Variants in UBA6 observed in about 807,000 individuals in gnomAD.
UBA6 encodes the protein ubiquitin-like modifier-activating enzyme 6.
UBA6 carries 87 observed loss-of-function variants against 148.3 expected under a neutral mutation model. The ratio of observed to expected loss-of-function variants is 0.59; its 90% CI spans 0.49 to 0.70. The LOEUF (loss-of-function observed/expected upper bound fraction) is 0.70, where lower values mean the gene tolerates loss of function less well. Ranked by LOEUF, UBA6 falls within the 30% of genes least tolerant of loss-of-function variation. The pLI is 0.00. For synonymous variants in UBA6, 376 were observed against 401.0 expected (o/e 0.94, Z 0.75); for missense variants, 1,186 against 1,241.2 (o/e 0.96, Z 0.67).
intron 11 of UBA6, chr4:67,663,528 C>T (rs1337430119): frequency 2.9e-6 from 1 of 350,336 alleles, no homozygotes; most frequent in African/African-American, 2.1e-5. Context: ...AATACATACT[C>T]AAGGCTTTTT....
chr4:67,638,994 T>A lies in UBA6; in HGVS notation c.1685A>T (p.Asp562Val). ...ATTATCTAATGCTGTAATAATTACA[T>A]CTTGTTTAGTATAGAACTCATCATT... Reference protein sequence around the residue: ...IYNDEFYTKQDVIITALDNVE... With the variant: ...IYNDEFYTKQVVIITALDNVE... Residue 562 changes from aspartate to valine, a missense_variant, in exon 19 of 33, where the codon GAT (aspartate) becomes GTT (valine). Transcript: ENST00000322244. The A allele has an allele frequency of 6.2e-7, 1 of 1,612,518 alleles. No homozygotes were observed. The highest frequency in any genetic ancestry group is 8.5e-7 in the Non-Finnish European group (1 of 1,178,982).
Position 67,678,504 on chromosome 4 carries a change from G to C in UBA6, c.288C>G (p.Cys96Trp), listed in dbSNP as rs764037986. Residue 96 changes from cysteine (C) to tryptophan (W), a missense_variant, in exon 5 of 33, where the codon TGC becomes TGG. Physicochemically the swap from Cys to Trp is radical, Grantham distance 215. Coordinates refer to ENST00000322244, the MANE Select transcript of UBA6 (RefSeq NM_018227.6). ...KAVTIHDTEK[C>W]QAWDLGTNFF... is the part of the protein sequence containing the mutation. ...AGTTGGTTCCTAGATCCCATGCTTG[G>C]CATTTTTCTGTATCATGAATTGTAA... The C allele has an allele frequency of 2.5e-6, 4 of 1,592,598 alleles. No homozygotes were observed. The highest frequency in any genetic ancestry group is 3.4e-6 in the Non-Finnish European group (4 of 1,167,486).
intron 8 of UBA6, among the ~76,000 whole-genome samples, chr4:67,669,655 T>G (rs1230627345): frequency 6.6e-6 from 1 of 152,184 alleles, no homozygotes; most frequent in Non-Finnish European, 1.5e-5. Flanking sequence ...AGAGTGCGGT[T>G]AGAAAATTTA....
chr4:67,622,936 A>T lies in UBA6; in HGVS notation c.2929-11T>A, dbSNP rs1449248544. The T allele has an allele frequency of 2.5e-6, 4 of 1,584,846 alleles. No homozygotes were observed. The highest frequency in any genetic ancestry group is 3.4e-6 in the Non-Finnish European group (4 of 1,163,032). On this transcript the variant is annotated splice_polypyrimidine_tract_variant and intron_variant, in intron 31 of 32. Transcript: ENST00000322244. ...AATTCCATACTTCTCCTAAAAGTGA[A>T]TATCCAAAAAAGAAACAATGAAAGC...
In UBA6 at chr4:67,615,078, A is replaced by G. The variant is rs1313250321; in HGVS notation, c.*3919T>C. 2 of 152,228 alleles carry G rather than the reference A, an allele frequency of 1.3e-5. No homozygotes were observed. The highest frequency in any genetic ancestry group is 1.3e-4 in the Admixed American group (2 of 15,280). The allele number at this position is 152,228 out of a possible 1,614,324, so 9.4% of individuals were successfully genotyped here. Reference sequence around the variant, plus strand: ...CCAGCACTGACCAAGATATGGAGAAATATGGTTTGGATATTTGTCCCCTGC... The same window carrying G: ...CCAGCACTGACCAAGATATGGAGAAGTATGGTTTGGATATTTGTCCCCTGC... On this transcript the variant is annotated 3_prime_UTR_variant, in exon 33 of 33. Transcript: ENST00000322244.
At chr4:67,639,247 G>T in intron 18 of UBA6, 123 bp from the exon 19 acceptor site, 1 of 674,450 alleles carries the variant, frequency 1.5e-6, no homozygotes, top group Non-Finnish European at 2.3e-6. Context: ...TATATAATGA[G>T]AGTAATGAGA....
At chr4:67,644,504 G>A (rs1283864434) in intron 17 of UBA6, among the ~76,000 whole-genome samples, 194 bp downstream of exon 17, 1 of 152,114 alleles carries the variant, frequency 6.6e-6, no homozygotes, top group African/African-American at 2.4e-5. Context: ...TTTGCTACAA[G>A]GGGAAGAGAA....
rs185420768 is a variant in UBA6 at position 67,650,407 on chromosome 4, A to G, written c.1105-1196T>C. Among the ~76,000 whole-genome samples the G allele has an allele frequency of 1.5e-4, 23 of 152,224 alleles. No homozygotes were observed. In the East Asian group the frequency reaches 4.2e-3, roughly 28 times the overall value. On this transcript the variant is annotated intron_variant, in intron 13 of 32. Coordinates refer to ENST00000322244, the MANE Select transcript of UBA6 (RefSeq NM_018227.6). The stretch of plus-strand genomic sequence containing the variant: ...GTTTATTCTCAGCATTAGGTTATGC[A>G]ACCTCCCAGGATTCCTTATTTTTTA...
intron 6 of UBA6, among the ~76,000 whole-genome samples, chr4:67,676,416 C>T (rs189174056): frequency 2.5e-4 from 38 of 152,292 alleles, no homozygotes; most frequent in Non-Finnish European, 8.8e-5. Flanking sequence ...TGTGACAGCA[C>T]GCCTAATGGT....
At chr4:67,637,503 T>C (rs1479462311) in intron 19 of UBA6, among the ~76,000 whole-genome samples, 8 of 151,940 alleles carry the variant, frequency 5.3e-5, no homozygotes, top group Non-Finnish European at 1.2e-4. Flanking sequence ...AAGGGGGAAA[T>C]GTGGGGAAAA....
intron 10 of UBA6, 29 bp downstream of exon 10, chr4:67,665,160 G>A: frequency 7.1e-7 from 1 of 1,405,530 alleles, no homozygotes; most frequent in East Asian, 2.4e-5. Context: ...GTAAAAAAAT[G>A]TTTTTTAAGC....
chr4:67,677,762 A>G, intron 5 of UBA6, 40 bp from the exon 6 acceptor site: 1 of 1,067,148 alleles, frequency 9.4e-7, no homozygotes, highest in Non-Finnish European at 1.4e-6. Flanking sequence ...CTTTAATTCA[A>G]TATACTCAAA....
rs1728583411 is a variant in UBA6, at chr4:67,614,076, G to A, written c.*4921C>T. 1 of 152,068 alleles carries A rather than the reference G, an allele frequency of 6.6e-6. No individual in the cohort carries two copies. Among genetic ancestry groups the A allele is most frequent in the Non-Finnish European group, 1.5e-5 (1 of 68,012 alleles). The allele number at this position is 152,068 out of a possible 1,614,324, so 9.4% of individuals were successfully genotyped here. On this transcript the variant is annotated 3_prime_UTR_variant, in exon 33 of 33. Coordinates refer to ENST00000322244, the MANE Select transcript of UBA6 (RefSeq NM_018227.6). ...TTACAACCTGCTCTCTTTGAAGTCT[G>A]CTGAGAGTTTCCTCTGCACAATAAA...
At chr4:67,669,885 T>C (rs187425276) in intron 8 of UBA6, among the ~76,000 whole-genome samples, 3 of 152,282 alleles carry the variant, frequency 2.0e-5, no homozygotes, top group African/African-American at 4.8e-5. Flanking sequence ...GGAGATAACA[T>C]AGAATAAAAT....
Position 67,696,873 on chromosome 4 carries a change from G to A in UBA6, c.72-166C>T, listed in dbSNP as rs184053444. Reference sequence around the variant, plus strand: ...TTAAATGGCCTGAAATTAAATTATCGGATTGCTTGTTCTATCCTGTGTAAA... The same window carrying A: ...TTAAATGGCCTGAAATTAAATTATCAGATTGCTTGTTCTATCCTGTGTAAA... On this transcript the variant is annotated intron_variant, in intron 1 of 32. Transcript: ENST00000322244. Among the ~76,000 whole-genome samples the A allele has an allele frequency of 3.7e-4, 57 of 152,034 alleles. No homozygotes were observed. In the East Asian group the frequency reaches 5.2e-3, roughly 14 times the overall value.
At chr4:67,659,419 C>T (rs1007672677) in intron 13 of UBA6, among the ~76,000 whole-genome samples, 21 of 151,942 alleles carry the variant, frequency 1.4e-4, no homozygotes, top group Non-Finnish European at 3.1e-4. Flanking sequence ...GTGAGTTTCA[C>T]GAGATCTGAC....
intron 2 of UBA6, among the ~76,000 whole-genome samples, chr4:67,686,164 AC>A (rs1048252571): frequency 6.6e-6 from 1 of 152,204 alleles, no homozygotes; most frequent in African/African-American, 2.4e-5. Flanking sequence ...TTATGAAAGA[AC>A]AACATCTCCC....
In UBA6 at chr4:67,634,331, G is replaced by T; in HGVS notation, c.1933-9C>A. ...GAAAAGGAACTTTCAAACTGTAACA[G>T]AGAAAAGAAAAAAAAAATTACAAAT... On this transcript the variant is annotated splice_polypyrimidine_tract_variant and intron_variant, in intron 21 of 32. Transcript: ENST00000322244. 6.4e-7 allele frequency: 1 copy of T among 1,571,194 alleles called. No individual in the cohort carries two copies. The highest frequency in any genetic ancestry group is 1.4e-5 in the African/African-American group (1 of 72,106).
rs1728672117 is a variant in UBA6 at position 67,618,165 on chromosome 4, C to A, written c.*832G>T. The A allele has an allele frequency of 6.6e-6, 1 of 151,784 alleles. No individual in the cohort carries two copies. Among genetic ancestry groups the A allele is most frequent in the African/African-American group, 2.4e-5 (1 of 41,234 alleles). 9.4% of individuals were successfully genotyped at this position (151,784 alleles called of 1,614,324 possible). On this transcript the variant is annotated 3_prime_UTR_variant, in exon 33 of 33. Coordinates refer to ENST00000322244, the MANE Select transcript of UBA6 (RefSeq NM_018227.6). ...TCTAAAGACACTCCCTTTACAAAAT[C>A]TTTTAGTTTTATATATTAGGACAAT...
Sources: gnomAD v4.1 joint callset for allele counts (sites outside exome capture counted in the v4.1 genomes callset) on GRCh38, gnomAD v4.1.1 for gene constraint, MANE v1.5 for transcripts, NCBI Gene and HGNC (gene_info 2026-07-23, HGNC 2026-07-21) for gene names.